The following ZGRF1 variants were observed in gnomAD, a reference collection of about 807,000 sequenced individuals.
ZGRF1 encodes zinc finger GRF-type containing 1, also known as 5'-3' DNA helicase ZGRF1.
In ZGRF1, 196 loss-of-function variants were observed where a neutral mutation model predicts 203.5. That is an observed-to-expected ratio of 0.96 (90% CI 0.86 to 1.08). ZGRF1 has a LOEUF of 1.08. ZGRF1 is among the 50% of genes least tolerant of loss of function. The pLI is 0.00. For missense variants in ZGRF1, 2,326 were observed against 2,416.3 expected (o/e 0.96, Z 0.78); for synonymous variants, 809 against 841.3 (o/e 0.96, Z 0.66).
chr4:112,572,175 A>T (rs1744324588), intron 16 of ZGRF1, among the ~76,000 whole-genome samples: 1 of 152,338 alleles, frequency 6.6e-6, no homozygotes, highest in African/African-American at 2.4e-5. Flanking sequence ...TAGCCACCAA[A>T]ACAGCATGGT....
rs2046943867 is a variant in ZGRF1 at position 112,618,064 on chromosome 4, CTT to C, written c.1976_1977del (p.Lys659ArgfsTer4). The C allele has an allele frequency of 3.1e-6, 5 of 1,613,626 alleles. No homozygotes were observed. Among genetic ancestry groups the C allele is most frequent in the Non-Finnish European group, 3.4e-6 (4 of 1,179,884 alleles). ...TCTTGAATAGGTTTATTAGCATCTT[CTT>C]TATTATCTCCGTATACAGCATCAGT... ...KWTDAVYGDN[K>X]EDANKPIQEV... On this transcript the variant is annotated frameshift_variant, in exon 6 of 28. Transcript: ENST00000505019. LOFTEE classifies it high-confidence loss of function.
intron 6 of ZGRF1, 37 bp from the exon 7 acceptor site, chr4:112,612,625 T>C (rs1299748300): frequency 5.5e-6 from 7 of 1,275,822 alleles, no homozygotes; most frequent in Admixed American, 1.9e-5. Flanking sequence ...ATCATTGTTA[T>C]ATATAGCAGT....
At chr4:112,584,258 T>C in intron 14 of ZGRF1, 84 bp from the exon 15 acceptor site, 1 of 824,696 alleles carries the variant, frequency 1.2e-6, no homozygotes, top group East Asian at 2.8e-5. Flanking sequence ...AAGGCTTCTA[T>C]GAAGACTGCT....
At position 112,563,116 on chromosome 4, in the gene ZGRF1, C is replaced by A. The variant is rs1441864999; in HGVS notation, c.4582+15G>T. The A allele has an allele frequency of 6.6e-7, 1 of 1,521,990 alleles. No homozygotes were observed. The highest frequency in any genetic ancestry group is 8.8e-7 in the Non-Finnish European group (1 of 1,131,058). The allele number at this position is 1,521,990 out of a possible 1,614,324, so 94.3% of individuals were successfully genotyped here. On this transcript the variant is annotated intron_variant, in intron 17 of 27. Transcript: ENST00000505019. ...CTTTTTAAATATAAACTAAAATGAG[C>A]ATAGTAATACTCACTGTTAGTGGGC... is the stretch of plus-strand genomic sequence containing the variant.
In ZGRF1 at chr4:112,617,560, T is replaced by A. The variant is rs1220679243; in HGVS notation, c.2482A>T (p.Ile828Phe). 1.2e-6 allele frequency: 2 copies of A among 1,613,688 alleles called. No homozygotes were observed. The highest frequency in any genetic ancestry group is 2.2e-5 in the South Asian group (2 of 90,950). The change falls in exon 6 of 28, where the codon ATT becomes TTT. Residue 828 changes from isoleucine to phenylalanine, a missense_variant. Coordinates refer to ENST00000505019, the MANE Select transcript of ZGRF1 (RefSeq NM_018392.5). Reference sequence around the variant, plus strand: ...CTGTGTTCACATAGCGACTTTAAAATAGAAATGGTATTTACTAATCCAGAA... The same window carrying A: ...CTGTGTTCACATAGCGACTTTAAAAAAGAAATGGTATTTACTAATCCAGAA... ...ELSGLVNTIS[I>F]LKSLCEHSTA...
At chr4:112,572,222 G>GA (rs1188354839) in intron 16 of ZGRF1, among the ~76,000 whole-genome samples, 2 of 152,144 alleles carry the variant, frequency 1.3e-5, no homozygotes, top group African/African-American at 4.8e-5. Context: ...CAATAGAACA[G>GA]AATAGAGAGC....
chr4:112,603,728 C>T (rs746014290), intron 9 of ZGRF1, 31 bp from the exon 10 acceptor site: 1 of 1,546,644 alleles, frequency 6.5e-7, no homozygotes, highest in Non-Finnish European at 8.9e-7. Flanking sequence ...ATAAGAACTG[C>T]ATAACTATAT....
At chr4:112,595,391 G>C (rs1578393948) in intron 10 of ZGRF1, among the ~76,000 whole-genome samples, 2 of 152,112 alleles carry the variant, frequency 1.3e-5, no homozygotes, top group South Asian at 4.1e-4. Flanking sequence ...TTCAAAGAAA[G>C]GCAAGAGAAC....
At chr4:112,572,415 G>A (rs950986250) in intron 16 of ZGRF1, among the ~76,000 whole-genome samples, 1 of 152,070 alleles carries the variant, frequency 6.6e-6, no homozygotes, top group Non-Finnish European at 1.5e-5. Context: ...CATGGATCGA[G>A]GATTTAAATC....
intron 3 of ZGRF1, among the ~76,000 whole-genome samples, chr4:112,631,411 T>G (rs1380030823): frequency 6.6e-6 from 1 of 152,098 alleles, no homozygotes; most frequent in East Asian, 1.9e-4. Context: ...GGCTCACTCC[T>G]GTAATCCCAG....
intron 10 of ZGRF1, among the ~76,000 whole-genome samples, chr4:112,590,465 A>G (rs1465349694): frequency 6.6e-6 from 1 of 152,234 alleles, no homozygotes; most frequent in African/African-American, 2.4e-5. Context: ...TATTTGTATA[A>G]GCACAGAATA....
At position 112,558,177 on chromosome 4, in the gene ZGRF1, T is replaced by C. The variant is rs1741292498; in HGVS notation, c.5093A>G (p.Asn1698Ser). The C allele has an allele frequency of 1.2e-6, 2 of 1,607,322 alleles. No individual in the cohort carries two copies. Among genetic ancestry groups the C allele is most frequent in the African/African-American group, 2.7e-5 (2 of 74,412 alleles). ...AAGAAGTACTCTGTCAACAGCCACA[T>C]TAGTAGAAGAAGAAATCAGAAGTTT... The part of the protein sequence containing the change: ...PWKLLISSST[N>S]VAVDRVLLGL... Residue 1698 changes from asparagine to serine, a missense_variant, in exon 20 of 28, where the codon AAT becomes AGT. Coordinates refer to ENST00000505019, the MANE Select transcript of ZGRF1 (RefSeq NM_018392.5).
chr4:112,555,271 T>C (rs565468646), intron 20 of ZGRF1, among the ~76,000 whole-genome samples: 2 of 152,310 alleles, frequency 1.3e-5, no homozygotes, highest in Admixed American at 1.3e-4. Flanking sequence ...TGACCTTTCC[T>C]CTACATACAT....
At chr4:112,554,889 T>C in intron 20 of ZGRF1, 107 bp from the exon 21 acceptor site, 1 of 535,468 alleles carries the variant, frequency 1.9e-6, no homozygotes, top group East Asian at 3.2e-5. Context: ...TATATTTTAA[T>C]TATAAAATTT....
rs1250228212 is a variant in ZGRF1, at chr4:112,541,165, G to C, written c.5702C>G (p.Thr1901Arg). Residue 1901 changes from threonine to arginine, a missense_variant, in exon 25 of 28, where the codon ACA becomes AGA. Coordinates refer to ENST00000505019, the MANE Select transcript of ZGRF1 (RefSeq NM_018392.5). ...CAATAAAGGGCTCCGCTCTATTTCT[G>C]TTACACCATTCATGAGGGCTCCTTT... ...FYKGALMNGV[T>R]EIERSPLLEW... The C allele has an allele frequency of 6.2e-7, 1 of 1,612,002 alleles. No homozygotes were observed.
chr4:112,613,042 C>T (rs1055016128), intron 6 of ZGRF1, among the ~76,000 whole-genome samples: 44 of 152,088 alleles, frequency 2.9e-4, no homozygotes, highest in African/African-American at 9.9e-4. Context: ...GCCTGTAATC[C>T]CAGCACTTTA....
chr4:112,558,425 T>C, intron 19 of ZGRF1, 116 bp from the exon 20 acceptor site: 1 of 802,884 alleles, frequency 1.2e-6, no homozygotes, highest in Non-Finnish European at 1.8e-6. Flanking sequence ...TGGAGTGCAG[T>C]GACACAATCT....
chr4:112,576,690 C>G (rs951773510), intron 16 of ZGRF1, among the ~76,000 whole-genome samples: 18 of 151,852 alleles, frequency 1.2e-4, no homozygotes, highest in African/African-American at 4.4e-4. Context: ...GATGGAAGAT[C>G]AAATGAATGA....
In ZGRF1 at chr4:112,623,808, C is replaced by A; in HGVS notation, c.162+9G>T. On this transcript the variant is annotated intron_variant, in intron 4 of 27. Transcript: ENST00000505019. Reference sequence around the variant, plus strand: ...ATAACTTAAAAATAAGATAAACACACTAAAATACCTCAAGGCATTTAAGAA... The same window carrying A: ...ATAACTTAAAAATAAGATAAACACAATAAAATACCTCAAGGCATTTAAGAA... The A allele has an allele frequency of 6.8e-7, 1 of 1,477,546 alleles. No individual in the cohort carries two copies. Among genetic ancestry groups the A allele is most frequent in the Non-Finnish European group, 9.4e-7 (1 of 1,067,998 alleles). 91.5% of individuals were successfully genotyped at this position (1,477,546 alleles called of 1,614,324 possible).
Sources: allele counts gnomAD v4.1 joint callset (sites outside exome capture counted in the v4.1 genomes callset), GRCh38; gene constraint gnomAD v4.1.1; transcripts MANE v1.5; gene names NCBI Gene and HGNC (gene_info 2026-07-23, HGNC 2026-07-21).